Variants in CAMK4 observed in about 807,000 individuals in gnomAD.
CAMK4 encodes calcium/calmodulin dependent protein kinase IV, also known as calcium/calmodulin-dependent protein kinase type IV.
A neutral mutation model predicts 44.9 loss-of-function variants in CAMK4; 22 were observed. That is an observed-to-expected ratio of 0.49 (90% CI 0.35 to 0.70). The LOEUF is 0.70. Ranked by LOEUF, CAMK4 falls within the 30% of genes least tolerant of loss-of-function variation. The probability of loss-of-function intolerance (pLI) is 0.01; values close to 1 mark genes in which losing one functional copy is unlikely to be tolerated. For missense variants in CAMK4, 498 were observed against 586.8 expected, an observed-to-expected ratio of 0.85 and a Z score of 1.56; for synonymous variants, 218 against 215.4, an observed-to-expected ratio of 1.01 and a Z score of -0.11.
At chr5:111,340,625 T>C (rs988819527) in intron 1 of CAMK4, among the ~76,000 whole-genome samples, 1 of 151,352 alleles carries the variant, frequency 6.6e-6, no homozygotes, top group African/African-American at 2.4e-5. Flanking sequence ...AGTATTTTGT[T>C]GAGGATTTTT....
intron 1 of CAMK4, among the ~76,000 whole-genome samples, chr5:111,271,140 G>A (rs975587221): frequency 6.6e-6 from 1 of 152,148 alleles, no homozygotes; most frequent in Non-Finnish European, 1.5e-5. Context: ...TGGGGATAAT[G>A]GGGATTACAA....
At chr5:111,453,233 T>C (rs1034326953) in intron 7 of CAMK4, among the ~76,000 whole-genome samples, 3 of 152,132 alleles carry the variant, frequency 2.0e-5, no homozygotes, top group Non-Finnish European at 4.4e-5. Flanking sequence ...TGGAAAACAC[T>C]TGGGAAAAAC....
intron 1 of CAMK4, among the ~76,000 whole-genome samples, chr5:111,331,789 A>G (rs955184313): frequency 6.6e-6 from 1 of 151,810 alleles, no homozygotes; most frequent in Non-Finnish European, 1.5e-5. Context: ...TACAGGCTTG[A>G]CAATAAATTA....
chr5:111,301,142 G>A (rs998769714), intron 1 of CAMK4, among the ~76,000 whole-genome samples: 12 of 151,432 alleles, frequency 7.9e-5, no homozygotes, highest in African/African-American at 1.5e-4. Context: ...CCTCCTTAAC[G>A]TACTAGGTCT....
intron 5 of CAMK4, among the ~76,000 whole-genome samples, chr5:111,432,639 T>C (rs1017143295): frequency 6.2e-5 from 8 of 129,160 alleles, no homozygotes; most frequent in Non-Finnish European, 7.8e-5. Context: ...TATATATACA[T>C]ATATATATGT....
intron 1 of CAMK4, among the ~76,000 whole-genome samples, chr5:111,327,510 T>C (rs1748951876): frequency 6.6e-6 from 1 of 152,196 alleles, no homozygotes; most frequent in Non-Finnish European, 1.5e-5. Flanking sequence ...TTACAGTCCT[T>C]TGGGTATATA....
At chr5:111,317,754 G>T (rs1043493168) in intron 1 of CAMK4, among the ~76,000 whole-genome samples, 15 of 151,950 alleles carry the variant, frequency 9.9e-5, no homozygotes, top group Non-Finnish European at 2.1e-4. Context: ...TGCTCAAAAG[G>T]GCTCTGCACT....
At chr5:111,286,247 C>T (rs1237845940) in intron 1 of CAMK4, among the ~76,000 whole-genome samples, 1 of 152,144 alleles carries the variant, frequency 6.6e-6, no homozygotes, top group Non-Finnish European at 1.5e-5. Flanking sequence ...TTCTTAGCAT[C>T]TTCGTAAAGA....
chr5:111,269,915 T>A (rs1411454875), intron 1 of CAMK4: 2 of 152,242 alleles, frequency 1.3e-5, no homozygotes, highest in Admixed American at 1.3e-4. Flanking sequence ...TCCAATTGGA[T>A]GTTTTCATAA....
chr5:111,327,007 T>A (rs1660927), intron 1 of CAMK4, among the ~76,000 whole-genome samples: 74,114 of 151,512 alleles, frequency 0.49, 18,214 homozygotes, highest in Admixed American at 0.52. Flanking sequence ...GTTTTTTTTT[T>A]AAATTTTATT....
chr5:111,258,237 T>C (rs1464041997), intron 1 of CAMK4, among the ~76,000 whole-genome samples: 1 of 152,196 alleles, frequency 6.6e-6, no homozygotes, highest in Non-Finnish European at 1.5e-5. Context: ...TTTAACAGAT[T>C]TAATGAGATA....
intron 5 of CAMK4, among the ~76,000 whole-genome samples, chr5:111,404,091 C>G (rs550158901): frequency 1.3e-5 from 2 of 151,972 alleles, no homozygotes; most frequent in Non-Finnish European, 2.9e-5. Flanking sequence ...GAGGAGGGGT[C>G]GGGGTAGGAA....
intron 5 of CAMK4, among the ~76,000 whole-genome samples, chr5:111,398,871 A>G (rs1003239659): frequency 6.6e-6 from 1 of 152,172 alleles, no homozygotes; most frequent in Non-Finnish European, 1.5e-5. Flanking sequence ...CAACAGGTCC[A>G]GTCAGCCTAT....
At position 111,429,204 on chromosome 5, in the gene CAMK4, G is replaced by T. The variant is rs532140919; in HGVS notation, c.460-17482G>T. Among the ~76,000 whole-genome samples the T allele has an allele frequency of 1.4e-3, 213 of 152,180 alleles. 1 individual carries two copies. Among genetic ancestry groups the T allele is most frequent in the African/African-American group, 4.9e-3 (202 of 41,518 alleles). On this transcript the variant is annotated intron_variant, in intron 5 of 10. Transcript: ENST00000282356. ...AAAAGATCAGTGAAACAAAACGTTT[G>T]TTTCTTTGAAAAAATAAACAGAATT... is the stretch of plus-strand genomic sequence containing the variant.
intron 1 of CAMK4, among the ~76,000 whole-genome samples, chr5:111,266,878 C>G (rs954024476): frequency 1.3e-5 from 2 of 152,242 alleles, no homozygotes; most frequent in African/African-American, 2.4e-5. Flanking sequence ...CCTTGAGATA[C>G]TGTTCTCCAT....
At chr5:111,446,830 T>G in intron 6 of CAMK4, 54 bp downstream of exon 6, 2 of 1,060,630 alleles carry the variant, frequency 1.9e-6, no homozygotes, top group Non-Finnish European at 3.0e-6. Flanking sequence ...AGAAAAAATT[T>G]TACTGTGTGG....
intron 5 of CAMK4, among the ~76,000 whole-genome samples, chr5:111,411,618 A>C (rs557763026): frequency 2.6e-5 from 4 of 152,350 alleles, no homozygotes; most frequent in Admixed American, 2.6e-4. Context: ...TTCAGCATAG[A>C]AACAAGACAA....
chr5:111,364,437 T>G (rs1750713773), intron 2 of CAMK4, among the ~76,000 whole-genome samples: 1 of 152,148 alleles, frequency 6.6e-6, no homozygotes, highest in Non-Finnish European at 1.5e-5. Flanking sequence ...AGGAATATTT[T>G]AAGCCTATTT....
chr5:111,490,113 ACT>A lies in CAMK4; in HGVS notation c.*5650_*5651del, dbSNP rs1286865220. The A allele has an allele frequency of 1.3e-5, 2 of 152,088 alleles. No individual in the cohort carries two copies. Among genetic ancestry groups the A allele is most frequent in the African/African-American group, 4.8e-5 (2 of 41,392 alleles). The allele number at this position is 152,088 out of a possible 1,614,324, so 9.4% of individuals were successfully genotyped here. Reference sequence around the variant, plus strand: ...TGTGTCAAAATAACATTTAATTTTCACTCTGATTAATCTTTATTTTCCATTTA... The same window carrying A: ...TGTGTCAAAATAACATTTAATTTTCACTGATTAATCTTTATTTTCCATTTA... On this transcript the variant is annotated 3_prime_UTR_variant, in exon 11 of 11. Coordinates refer to ENST00000282356, the MANE Select transcript of CAMK4 (RefSeq NM_001744.6).
Sources: allele counts gnomAD v4.1 joint callset (sites outside exome capture counted in the v4.1 genomes callset), GRCh38; gene constraint gnomAD v4.1.1; transcripts MANE v1.5; gene names NCBI Gene and HGNC (gene_info 2026-07-23, HGNC 2026-07-21).